The following SUCO variants were observed in gnomAD, a reference collection of about 807,000 sequenced individuals.
SUCO encodes SUN domain-containing ossification factor.
A neutral mutation model predicts 148.1 loss-of-function variants in SUCO; 57 were observed. The ratio of observed to expected loss-of-function variants is 0.38; its 90% confidence interval spans 0.31 to 0.48. The LOEUF is 0.48. Ranked by LOEUF, SUCO falls within the 20% of genes least tolerant of loss-of-function variation. The pLI is 0.96. For missense variants in SUCO, 1,331 were observed against 1,468.2 expected (o/e 0.91, Z 1.53); for synonymous variants, 470 against 502.7 (o/e 0.93, Z 0.87).
chr1:172,594,391 T>A (rs1334163072), intron 19 of SUCO, among the ~76,000 whole-genome samples: 1 of 152,242 alleles, frequency 6.6e-6, no homozygotes, highest in African/African-American at 2.4e-5. Context: ...ATTTTAGATC[T>A]TTCTTACTTT....
At chr1:172,573,486 A>C (rs1400729579) in intron 9 of SUCO, among the ~76,000 whole-genome samples, 1 of 152,176 alleles carries the variant, frequency 6.6e-6, no homozygotes, top group Non-Finnish European at 1.5e-5. Flanking sequence ...TTGAATCCTT[A>C]AGATAAATTT....
intron 9 of SUCO, among the ~76,000 whole-genome samples, chr1:172,572,649 TGAC>T (rs1177617643): frequency 2.3e-5 from 3 of 129,826 alleles, no homozygotes; most frequent in Non-Finnish European, 4.6e-5. Flanking sequence ...TATTGTCCTA[TGAC>T]CCTGCCAAAT....
intron 19 of SUCO, among the ~76,000 whole-genome samples, chr1:172,593,288 C>T (rs1656813125): frequency 1.3e-5 from 2 of 152,174 alleles, no homozygotes; most frequent in African/African-American, 2.4e-5. Flanking sequence ...CCTGATTGCC[C>T]TGGGCAGAAC....
rs74124237 is a variant in SUCO, at chr1:172,551,444, T to C, written c.63-68T>C. The C allele has an allele frequency of 3.8e-3, 3,754 of 992,394 alleles. 75 individuals are homozygous for C. The African/African-American group carries it at 0.056, about 15-fold the overall frequency. 61.5% of individuals were successfully genotyped at this position (992,394 alleles called of 1,614,324 possible). The stretch of plus-strand genomic sequence containing the variant: ...CTAGCCCATATAGAAATATGTTGAC[T>C]TAACAACTTTTCTTCTTTCTTTCTC... On this transcript the variant is annotated intron_variant, in intron 1 of 23. Coordinates refer to ENST00000263688, the MANE Select transcript of SUCO (RefSeq NM_014283.5).
chr1:172,605,009 T>C (rs1419053485), intron 22 of SUCO, among the ~76,000 whole-genome samples: 1 of 151,820 alleles, frequency 6.6e-6, no homozygotes, highest in Non-Finnish European at 1.5e-5. Flanking sequence ...TGCTCATTTT[T>C]TAGTTGGATT....
At chr1:172,602,023 T>C (rs774745306) in intron 20 of SUCO, 41 bp from the exon 21 acceptor site, 1 of 1,532,002 alleles carries the variant, frequency 6.5e-7, no homozygotes, top group African/African-American at 1.4e-5. Context: ...TTTCCTAATA[T>C]GATTTCCTAT....
chr1:172,572,760 T>A lies in SUCO; in HGVS notation c.1050-1131T>A, dbSNP rs115709577. On this transcript the variant is annotated intron_variant, in intron 9 of 23. Transcript: ENST00000263688. Reference sequence around the variant, plus strand: ...GGGCAGTGCTAAAAAGGAGTATGTTTCTTCTGGGTGACTGTTAGATATTAC... The same window carrying A: ...GGGCAGTGCTAAAAAGGAGTATGTTACTTCTGGGTGACTGTTAGATATTAC... Among the ~76,000 whole-genome samples the A allele has an allele frequency of 4.0e-3, 595 of 150,632 alleles. 4 individuals are homozygous for A. The highest frequency in any genetic ancestry group is 0.017 in the South Asian group (82 of 4,716).
At chr1:172,569,676 G>T (rs1654800161) in intron 7 of SUCO, among the ~76,000 whole-genome samples, 1 of 151,836 alleles carries the variant, frequency 6.6e-6, no homozygotes, top group South Asian at 2.1e-4. Flanking sequence ...TGCACATCTT[G>T]CGTGTGTACC....
intron 19 of SUCO, among the ~76,000 whole-genome samples, chr1:172,595,733 G>T (rs1265833246): frequency 6.6e-6 from 1 of 152,076 alleles, no homozygotes; most frequent in South Asian, 2.1e-4. Context: ...TTCAACTTTG[G>T]TGAATCTGAC....
intron 1 of SUCO, chr1:172,550,816 G>C: frequency 1.5e-6 from 1 of 673,972 alleles, no homozygotes; most frequent in Non-Finnish European, 1.8e-6. Flanking sequence ...ATGTTTTTCA[G>C]TGGCTATGGA....
intron 1 of SUCO, chr1:172,551,023 A>G (rs553905407): frequency 2.7e-5 from 7 of 261,650 alleles, no homozygotes; most frequent in African/African-American, 6.9e-5. Context: ...CATAAGTACT[A>G]TTAACCTCTA....
rs548128208 is a variant in SUCO at position 172,565,469 on chromosome 1, C to T, written c.733-3550C>T. ...ATAACCCACAGTCCTAAAGGAATGT[C>T]AATGCCAAAAACCCCAGCGCATCTT... On this transcript the variant is annotated intron_variant, in intron 6 of 23. Coordinates refer to ENST00000263688, the MANE Select transcript of SUCO (RefSeq NM_014283.5). Among the ~76,000 whole-genome samples, 32 of 152,336 alleles carry T rather than the reference C, an allele frequency of 2.1e-4. No individual in the cohort carries two copies. The South Asian group carries it at 3.9e-3, about 19-fold the overall frequency.
intron 1 of SUCO, chr1:172,542,551 T>G (rs956118229): frequency 1.2e-5 from 2 of 169,218 alleles, no homozygotes; most frequent in Non-Finnish European, 2.4e-5. Context: ...TCCTGTCAGA[T>G]TAGCAGCAGA....
intron 19 of SUCO, among the ~76,000 whole-genome samples, chr1:172,597,143 A>G (rs1257296712): frequency 1.3e-5 from 2 of 152,254 alleles, no homozygotes; most frequent in African/African-American, 4.8e-5. Flanking sequence ...GGAAAAGCAC[A>G]GTGTTAGGGT....
chr1:172,602,187 C>T lies in SUCO; in HGVS notation c.3142C>T (p.Pro1048Ser). 11 of 1,612,636 alleles carry T rather than the reference C, an allele frequency of 6.8e-6. No homozygotes were observed. The highest frequency in any genetic ancestry group is 1.1e-5 in the South Asian group (1 of 90,830). Residue 1048 changes from proline (P) to serine (S), a missense_variant, in exon 21 of 24, where the codon CCT becomes TCT. Around this residue, in one of 3 missense-constraint regions of SUCO, gnomAD observed 334 missense variants for 352.3 expected, o/e 0.95. Transcript: ENST00000263688. Reference protein sequence around the residue: ...QFDGDYISKLPKSNQYPSPKR... With the variant: ...QFDGDYISKLSKSNQYPSPKR... ...TGATGGAGATTATATTTCAAAACTT[C>T]CTAAAAGTAATCAGTATCCAAGCCC...
At position 172,577,817 on chromosome 1, in the gene SUCO, A is replaced by G; in HGVS notation, c.1338A>G (p.Ile446Met). 6.2e-7 allele frequency: 1 copy of G among 1,606,778 alleles called. No individual in the cohort carries two copies. Among genetic ancestry groups the G allele is most frequent in the Non-Finnish European group, 8.5e-7 (1 of 1,175,518 alleles). The change falls in exon 13 of 24, where the codon ATA becomes ATG. Residue 446 changes from isoleucine (I) to methionine (M), a missense_variant and splice_region_variant. Physicochemically the swap from Ile to Met is conservative, Grantham distance 10. Around this residue, in one of 3 missense-constraint regions of SUCO, gnomAD observed 992 missense variants for 1,093.5 expected, o/e 0.91. Coordinates refer to ENST00000263688, the MANE Select transcript of SUCO (RefSeq NM_014283.5). ...GSEHFCPLSL[I>M]RVFGTSMVEE... ...AGCACTTTTGTCCATTAAGCCTTAT[A>G]AGGTAATGCAGAACAAAATACATTT... is the stretch of plus-strand genomic sequence containing the variant.
At chr1:172,568,921 T>A in intron 6 of SUCO, 98 bp from the exon 7 acceptor site, 1 of 1,161,188 alleles carries the variant, frequency 8.6e-7, no homozygotes, top group Non-Finnish European at 1.2e-6. Context: ...CATTATAAAT[T>A]GGAACTTTAA....
At chr1:172,543,797 T>A (rs536201736) in intron 1 of SUCO, among the ~76,000 whole-genome samples, 1 of 151,928 alleles carries the variant, frequency 6.6e-6, no homozygotes, top group Non-Finnish European at 1.5e-5. Flanking sequence ...CCAAATAGAA[T>A]AAAAACTGCA....
chr1:172,582,439 T>C (rs562731760), intron 15 of SUCO, among the ~76,000 whole-genome samples: 8 of 152,242 alleles, frequency 5.3e-5, no homozygotes, highest in African/African-American at 1.7e-4. Flanking sequence ...GAGTAAATAA[T>C]ATGGAGATAT....
Sources: allele counts gnomAD v4.1 joint callset (sites outside exome capture counted in the v4.1 genomes callset), GRCh38; gene constraint gnomAD v4.1.1; regional missense constraint gnomAD v4.1.1; transcripts MANE v1.5; gene names NCBI Gene and HGNC (gene_info 2026-07-23, HGNC 2026-07-21).